Variants in MGAM observed in about 807,000 individuals in gnomAD.
The protein encoded by MGAM is alpha-1,4-glucosidase.
In MGAM, 253 loss-of-function variants were observed where a neutral mutation model predicts 358.8. The observed-to-expected ratio is 0.71, with a 90% CI of 0.64 to 0.78. The LOEUF is 0.78. Ranked by LOEUF, MGAM falls within the 30% of genes least tolerant of loss-of-function variation. MGAM has a pLI of 0.00. For synonymous variants in MGAM, 1,105 were observed against 1,227.1 expected (o/e 0.90, Z 2.08); for missense variants, 3,080 against 3,432.6 (o/e 0.90, Z 2.57).
In MGAM at chr7:142,100,889, T is replaced by C. The variant is rs1209200698; in HGVS notation, c.7962T>C (p.Ile2654=). The change falls in exon 68 of 71, where the codon ATT becomes ATC. Residue 2654 remains isoleucine (I), a splice_region_variant and synonymous_variant. Transcript: ENST00000475668. ...TCTTCTGGGATGATGGGCAAAGCAT[T>C]GGTGAGTAGAGGTTGCCTGAGATTC... ...GWLFWDDGQS[I]DTYGKGLYYL... The C allele has an allele frequency of 6.2e-7, 1 of 1,612,426 alleles. No homozygotes were observed. Among genetic ancestry groups the C allele is most frequent in the Non-Finnish European group, 8.5e-7 (1 of 1,179,316 alleles).
At chr7:142,002,309 T>G (rs565667964) in intron 1 of MGAM, among the ~76,000 whole-genome samples, 1 of 152,036 alleles carries the variant, frequency 6.6e-6, no homozygotes, top group Admixed American at 6.6e-5. Flanking sequence ...TTAACATAGA[T>G]TCAAAAATTC....
intron 21 of MGAM, among the ~76,000 whole-genome samples, chr7:142,041,702 G>A (rs1247511746): frequency 6.7e-6 from 1 of 150,056 alleles, no homozygotes; most frequent in Admixed American, 6.8e-5. Context: ...ACATACGTAT[G>A]TATTTTACAA....
In MGAM at chr7:142,063,510, A is replaced by G. The variant is rs749428982; in HGVS notation, c.4269A>G (p.Glu1423=). Residue 1423 remains glutamate (E), a synonymous_variant, in exon 36 of 71, where the codon GAA becomes GAG. Coordinates refer to ENST00000475668, the MANE Select transcript of MGAM (RefSeq NM_001365693.1). ...TTTGGCATTTCTAGGATATGAATGA[A>G]CCATCAAGCTTCGTGAATGGGGCAG... ...KFDGMWIDMN[E]PSSFVNGAVS... is the part of the protein sequence containing the mutation. The G allele has an allele frequency of 1.2e-6, 2 of 1,613,596 alleles. No homozygotes were observed. Among genetic ancestry groups the G allele is most frequent in the Non-Finnish European group, 1.7e-6 (2 of 1,179,732 alleles).
chr7:142,036,042 T>G, intron 16 of MGAM, 127 bp from the exon 17 acceptor site: 1 of 665,702 alleles, frequency 1.5e-6, no homozygotes, highest in Non-Finnish European at 2.6e-6. Flanking sequence ...TGACCAAATT[T>G]TGACCACCCT....
chr7:142,028,926 T>TA (rs1807209786), intron 10 of MGAM, among the ~76,000 whole-genome samples: 1 of 152,038 alleles, frequency 6.6e-6, no homozygotes, highest in South Asian at 2.1e-4. Context: ...GAAAAAGTGG[T>TA]AAAAGCAGGA....
At chr7:142,083,937 G>A (rs1312388762) in intron 53 of MGAM, among the ~76,000 whole-genome samples, 1 of 144,596 alleles carries the variant, frequency 6.9e-6, no homozygotes, top group Non-Finnish European at 1.6e-5. Context: ...GTGGGGTGGT[G>A]TGAAGAATAT....
chr7:142,093,440 C>A lies in MGAM; in HGVS notation c.7062C>A (p.Ser2354Arg), dbSNP rs1183623666. ...PYLESRDRGL[S>R]SKTLCMESQQ... is the part of the protein sequence containing the mutation. ...TGGAGTCCAGGGACAGGGGCCTGAG[C>A]AGCAAGACCCTGTGCATGGAGAGTC... Residue 2354 changes from serine to arginine, a missense_variant, in exon 60 of 71, where the codon AGC becomes AGA. By Grantham distance (110) the Ser-to-Arg change is moderately radical. Transcript: ENST00000475668. The A allele has an allele frequency of 1.3e-6, 2 of 1,537,812 alleles. No homozygotes were observed. The highest frequency in any genetic ancestry group is 1.3e-5 in the African/African-American group (1 of 74,268).
intron 3 of MGAM, among the ~76,000 whole-genome samples, chr7:142,013,360 C>T (rs1249897731): frequency 6.6e-6 from 1 of 152,154 alleles, no homozygotes; most frequent in Non-Finnish European, 1.5e-5. Context: ...CTGACTCTGC[C>T]TCAGTCTGGG....
intron 69 of MGAM, 67 bp from the exon 70 acceptor site, chr7:142,103,193 TTTGTGCCTA>T (rs925119862): frequency 4.1e-6 from 5 of 1,223,040 alleles, no homozygotes; most frequent in Non-Finnish European, 5.6e-6. Context: ...ATGACCTACA[TTTGTGCCTA>T]AAAAGAGGTT....
chr7:142,079,933 T>A lies in MGAM; in HGVS notation c.5848-858T>A, dbSNP rs1257328649. On this transcript the variant is annotated intron_variant, in intron 49 of 70. Transcript: ENST00000475668. ...CTAATGGGTTTGAAGTGAATGAACT[T>A]CCTTGGAGTTCTAGCCTTAACCATT... 1.4e-5 allele frequency among the ~76,000 whole-genome samples: 2 copies of A among 146,542 alleles called. 1 individual carries two copies. Among genetic ancestry groups the A allele is most frequent in the Admixed American group, 1.4e-4 (2 of 14,596 alleles).
chr7:142,058,940 T>A (rs1270307008), intron 31 of MGAM, among the ~76,000 whole-genome samples: 3 of 152,218 alleles, frequency 2.0e-5, no homozygotes, highest in African/African-American at 7.2e-5. Flanking sequence ...GTTCCATTAG[T>A]GGAATGTAGT....
chr7:142,105,828 T>A lies in MGAM; in HGVS notation c.8199T>A (p.Asp2733Glu). The A allele has an allele frequency of 6.2e-7, 1 of 1,613,330 alleles. No homozygotes were observed. The highest frequency in any genetic ancestry group is 8.5e-7 in the Non-Finnish European group (1 of 1,179,350). The change falls in exon 71 of 71, where the codon GAT becomes GAA. Residue 2733 changes from aspartate to glutamate, a missense_variant. Physicochemically the swap from Asp to Glu is conservative, Grantham distance 45. Coordinates refer to ENST00000475668, the MANE Select transcript of MGAM (RefSeq NM_001365693.1). ...GTTCCTAACAGGTATTAAGCATCGA[T>A]GTGACTGACAGAAACATCAGCCTAC... ...NDPTTQVLSI[D>E]VTDRNISLHN...
rs1414642248 is a variant in MGAM at position 142,081,267 on chromosome 7, G to T, written c.6002+322G>T. Reference sequence around the variant, plus strand: ...TAAGTAAATAACAGAGATAATTTAAGTTATAGTATAAAAAGGAGATTGTGA... The same window carrying T: ...TAAGTAAATAACAGAGATAATTTAATTTATAGTATAAAAAGGAGATTGTGA... On this transcript the variant is annotated intron_variant, in intron 50 of 70. Coordinates refer to ENST00000475668, the MANE Select transcript of MGAM (RefSeq NM_001365693.1). 2.1e-5 allele frequency among the ~76,000 whole-genome samples: 3 copies of T among 146,306 alleles called. 1 individual carries two copies. Among genetic ancestry groups the T allele is most frequent in the Non-Finnish European group, 4.6e-5 (3 of 64,642 alleles).
intron 30 of MGAM, among the ~76,000 whole-genome samples, chr7:142,057,424 G>T (rs992912573): frequency 6.6e-6 from 1 of 150,424 alleles, no homozygotes; most frequent in East Asian, 2.0e-4. Flanking sequence ...TGATGATGGT[G>T]GTGTTGGTTA....
At chr7:142,010,283 G>C (rs1177142164) in intron 3 of MGAM, among the ~76,000 whole-genome samples, 1 of 152,024 alleles carries the variant, frequency 6.6e-6, no homozygotes, top group Non-Finnish European at 1.5e-5. Context: ...TTAGTTCTGG[G>C]CTTGAAGCTG....
rs1317028192 is a variant in MGAM, at chr7:142,060,112, A to G, written c.4059+146A>G. The G allele has an allele frequency of 3.1e-6, 4 of 1,275,706 alleles. No homozygotes were observed. The African/African-American group carries it at 4.4e-5, about 14-fold the overall frequency. 79.0% of individuals were successfully genotyped at this position (1,275,706 alleles called of 1,614,324 possible). Reference sequence around the variant, plus strand: ...GAGGTCAGAAGCTCTCCTTTTCTCAATCAATATTTGTTGATACAATTAACG... The same window carrying G: ...GAGGTCAGAAGCTCTCCTTTTCTCAGTCAATATTTGTTGATACAATTAACG... On this transcript the variant is annotated intron_variant, in intron 33 of 70. Transcript: ENST00000475668.
chr7:141,990,676 A>G (rs1803907224), intron 2 of MGAM, among the ~76,000 whole-genome samples: 1 of 150,354 alleles, frequency 6.7e-6, no homozygotes, highest in East Asian at 2.0e-4. Flanking sequence ...ATGTTTTTTT[A>G]TTTTTTATTT....
upstream of MGAM, among the ~76,000 whole-genome samples, chr7:141,991,429 G>A (rs960647536): frequency 4.0e-4 from 61 of 151,600 alleles, no homozygotes; most frequent in African/African-American, 1.3e-3. Flanking sequence ...TGGGGATGGA[G>A]AAAAGGATTT....
chr7:142,092,922 T>G lies in MGAM; in HGVS notation c.7033+314T>G, dbSNP rs1815534267. On this transcript the variant is annotated intron_variant, in intron 59 of 70. Coordinates refer to ENST00000475668, the MANE Select transcript of MGAM (RefSeq NM_001365693.1). ...GAATTCCATCACAGGAATTTTTTGG[T>G]GTCATCAATGGGTGGAAATTATTGG... Among the ~76,000 whole-genome samples the G allele has an allele frequency of 1.4e-5, 2 of 146,532 alleles. 1 individual carries two copies. The highest frequency in any genetic ancestry group is 3.1e-5 in the Non-Finnish European group (2 of 64,712).
Sources: allele counts gnomAD v4.1 joint callset (sites outside exome capture counted in the v4.1 genomes callset), GRCh38; gene constraint gnomAD v4.1.1; transcripts MANE v1.5; gene names NCBI Gene and HGNC (gene_info 2026-07-23, HGNC 2026-07-21).